The following GNA12 variants were observed in gnomAD, a reference collection of about 807,000 sequenced individuals.
The protein encoded by GNA12 is G protein subunit alpha 12.
A neutral mutation model predicts 26.0 loss-of-function variants in GNA12; 9 were observed. The ratio of observed to expected loss-of-function variants is 0.35; its 90% CI spans 0.21 to 0.60. GNA12 has a LOEUF of 0.60. Among genes scored for constraint, GNA12 ranks in the 20% least tolerant of loss-of-function variants. GNA12 has a pLI of 0.78. For missense variants in GNA12, 405 were observed against 525.8 expected, an observed-to-expected ratio of 0.77 and a Z score of 2.25; for synonymous variants, 264 against 219.6, an observed-to-expected ratio of 1.20 and a Z score of -1.79.
At chr7:2,794,646 A>C (rs1425115508) in intron 2 of GNA12, 3 of 416,780 alleles carry the variant, frequency 7.2e-6, no homozygotes, top group African/African-American at 6.0e-5. Context: ...AAAAAAACTA[A>C]ATTTCTCGGG....
At chr7:2,818,838 T>G (rs978025394) in intron 1 of GNA12, among the ~76,000 whole-genome samples, 2 of 123,082 alleles carry the variant, frequency 1.6e-5, no homozygotes, top group African/African-American at 5.2e-5. Context: ...AGGTTTCGCT[T>G]GCCGTTTTCA....
At chr7:2,828,244 C>T (rs1793527693) in intron 1 of GNA12, among the ~76,000 whole-genome samples, 1 of 152,206 alleles carries the variant, frequency 6.6e-6, no homozygotes, top group African/African-American at 2.4e-5. Flanking sequence ...GGAGAAAAGG[C>T]TTTAAATAAT....
At chr7:2,736,729 G>A (rs1017100251) in intron 2 of GNA12, among the ~76,000 whole-genome samples, 3 of 152,200 alleles carry the variant, frequency 2.0e-5, no homozygotes, top group Non-Finnish European at 4.4e-5. Flanking sequence ...CCTCCGGTGG[G>A]AGAAAGACAC....
intron 2 of GNA12, among the ~76,000 whole-genome samples, chr7:2,756,113 C>T (rs978401694): frequency 1.5e-4 from 23 of 152,006 alleles, no homozygotes; most frequent in Admixed American, 9.8e-4. Context: ...ATGGATCAAC[C>T]GAATAGAAAT....
chr7:2,762,587 C>G (rs1791613250), intron 2 of GNA12: 1 of 1,497,572 alleles, frequency 6.7e-7, no homozygotes, highest in Non-Finnish European at 8.9e-7. Flanking sequence ...ATTACATTTA[C>G]AAACCCAAAA....
chr7:2,794,971 G>T lies in GNA12; in HGVS notation c.482C>A (p.Ser161Tyr). 2 of 1,614,210 alleles carry T rather than the reference G, an allele frequency of 1.2e-6. No homozygotes were observed. The highest frequency in any genetic ancestry group is 1.7e-6 in the Non-Finnish European group (2 of 1,180,026). The change falls in exon 2 of 4, where the codon TCT becomes TAT. Residue 161 changes from serine (S) to tyrosine (Y), a missense_variant. Ser to Tyr is a moderately radical substitution (Grantham distance 144). Transcript: ENST00000275364. ...VPALSALWRD[S>Y]GIREAFSRRS... The stretch of plus-strand genomic sequence containing the variant: ...CCGGCTGAAAGCCTCCCTGATGCCA[G>T]AATCCCTCCAGAGTGCGCTCAGGGC...
intron 1 of GNA12, among the ~76,000 whole-genome samples, chr7:2,812,307 T>C (rs548532575): frequency 6.6e-6 from 1 of 152,286 alleles, no homozygotes; most frequent in East Asian, 1.9e-4. Context: ...ACGGGCAGAG[T>C]CCTTAGGCCT....
chr7:2,748,524 G>A (rs1647844048), intron 2 of GNA12, among the ~76,000 whole-genome samples: 1 of 152,030 alleles, frequency 6.6e-6, no homozygotes, highest in South Asian at 2.1e-4. Context: ...ATGGATTAAA[G>A]ACTTAAATGT....
intron 2 of GNA12, among the ~76,000 whole-genome samples, chr7:2,749,915 T>C (rs962444260): frequency 2.0e-5 from 3 of 152,144 alleles, no homozygotes; most frequent in East Asian, 3.8e-4. Context: ...TTGGGGCAAT[T>C]CCTAAAGGCC....
At position 2,729,290 on chromosome 7, in the gene GNA12, G is replaced by C. The variant is rs1033590594; in HGVS notation, c.*1891C>G. 5 of 152,418 alleles carry C rather than the reference G, an allele frequency of 3.3e-5. No individual in the cohort carries two copies. Among genetic ancestry groups the C allele is most frequent in the African/African-American group, 1.2e-4 (5 of 41,470 alleles). 9.4% of individuals were successfully genotyped at this position (152,418 alleles called of 1,614,324 possible). On this transcript the variant is annotated 3_prime_UTR_variant, in exon 4 of 4. Coordinates refer to ENST00000275364, the MANE Select transcript of GNA12 (RefSeq NM_007353.3). ...GACCGGGCTGCGCGTCACTGTTGCA[G>C]ACTGCAAATGGGACCTGAGACCACC...
intron 2 of GNA12, among the ~76,000 whole-genome samples, chr7:2,788,837 G>C (rs561958151): frequency 1.3e-5 from 2 of 152,132 alleles, no homozygotes; most frequent in African/African-American, 4.8e-5. Context: ...TTTTCTGACA[G>C]GGTCTTGTTG....
chr7:2,780,051 C>CATATATATATAT lies in GNA12; in HGVS notation c.525+14865_525+14876dup, dbSNP rs3996399. ...CTAGTTTTTTACACATTTCTGTGTA[C>CATATATATATAT]ATATATATATATATATATATATATA... On this transcript the variant is annotated intron_variant, in intron 2 of 3. Transcript: ENST00000275364. Among the ~76,000 whole-genome samples the CATATATATATAT allele has an allele frequency of 1.2e-3, 76 of 62,148 alleles. 1 individual carries two copies. Among genetic ancestry groups the CATATATATATAT allele is most frequent in the South Asian group, 4.6e-3 (7 of 1,522 alleles). The allele number at this position is 62,148 out of a possible 152,430, so 40.8% of individuals were successfully genotyped here. A position where few individuals can be genotyped will look rare whatever the true frequency, so the allele number is the denominator to read the frequency against.
intron 2 of GNA12, among the ~76,000 whole-genome samples, chr7:2,741,542 C>T (rs1040082624): frequency 9.9e-5 from 15 of 152,130 alleles, no homozygotes; most frequent in Admixed American, 7.2e-4. Context: ...TTTGTAGTAG[C>T]CAGAACCCAA....
At chr7:2,751,181 A>T (rs1791016807) in intron 2 of GNA12, among the ~76,000 whole-genome samples, 1 of 152,052 alleles carries the variant, frequency 6.6e-6, no homozygotes. Flanking sequence ...TGAGGTCAGG[A>T]GTTCAAGACC....
intron 2 of GNA12, among the ~76,000 whole-genome samples, chr7:2,786,375 C>T (rs927121779): frequency 6.6e-6 from 1 of 151,742 alleles, no homozygotes; most frequent in African/African-American, 2.4e-5. Context: ...AAGACTGGTA[C>T]GAATCAAAAG....
intron 1 of GNA12, among the ~76,000 whole-genome samples, chr7:2,818,109 A>G (rs2115491963): frequency 6.6e-6 from 1 of 152,356 alleles, no homozygotes; most frequent in Middle Eastern, 3.4e-3. Flanking sequence ...CACAGCTAAC[A>G]GGCATGTCAG....
intron 1 of GNA12, among the ~76,000 whole-genome samples, chr7:2,824,234 T>C (rs2114965940): frequency 6.6e-6 from 1 of 152,164 alleles, no homozygotes; most frequent in African/African-American, 2.4e-5. Flanking sequence ...GGCAACCCCG[T>C]GAATGTCCAA....
intron 3 of GNA12, among the ~76,000 whole-genome samples, chr7:2,732,441 G>A (rs1240405448): frequency 4.6e-5 from 7 of 152,160 alleles, no homozygotes; most frequent in Non-Finnish European, 8.8e-5. Context: ...AGCTACTTGG[G>A]AGGCCGAGAC....
intron 2 of GNA12, among the ~76,000 whole-genome samples, chr7:2,736,654 A>C (rs1349942401): frequency 6.6e-6 from 1 of 152,222 alleles, no homozygotes; most frequent in African/African-American, 2.4e-5. Flanking sequence ...CACGCCCATG[A>C]GGAGACCGCC....
Sources: gnomAD v4.1 joint callset for allele counts (sites outside exome capture counted in the v4.1 genomes callset) on GRCh38, gnomAD v4.1.1 for gene constraint, MANE v1.5 for transcripts, NCBI Gene and HGNC (gene_info 2026-07-23, HGNC 2026-07-21) for gene names.